OXCT1: variants seen among roughly 807,000 people sequenced by gnomAD.
OXCT1 encodes the protein 3-oxoacid CoA-transferase 1.
A neutral mutation model predicts 69.6 loss-of-function variants in OXCT1; 27 were observed. The observed-to-expected ratio is 0.39, with a 90% CI of 0.29 to 0.54. The LOEUF is 0.54. OXCT1 is among the 20% of genes least tolerant of loss of function. The pLI is 0.72. For missense variants in OXCT1, 437 were observed against 650.2 expected, an observed-to-expected ratio of 0.67 and a Z score of 3.57; for synonymous variants, 202 against 217.8, an observed-to-expected ratio of 0.93 and a Z score of 0.64.
intron 14 of OXCT1, among the ~76,000 whole-genome samples, chr5:41,750,135 G>GTTTTT (rs11291155): frequency 8.1e-5 from 6 of 73,916 alleles, no homozygotes; most frequent in African/African-American, 1.6e-4. Flanking sequence ...GTGTTTTTTG[G>GTTTTT]TTTTTTTTTT....
chr5:41,788,255 A>C (rs1009073537), intron 13 of OXCT1, among the ~76,000 whole-genome samples: 1 of 152,154 alleles, frequency 6.6e-6, no homozygotes. Context: ...CCAACAGTGA[A>C]GATAAAATAC....
intron 14 of OXCT1, among the ~76,000 whole-genome samples, chr5:41,758,326 T>C (rs1454370572): frequency 6.6e-6 from 1 of 151,978 alleles, no homozygotes; most frequent in Non-Finnish European, 1.5e-5. Flanking sequence ...AACAACCAGG[T>C]GGAGTTGTGT....
intron 5 of OXCT1, among the ~76,000 whole-genome samples, chr5:41,844,046 G>A (rs1748775190): frequency 6.6e-6 from 1 of 152,076 alleles, no homozygotes; most frequent in South Asian, 2.1e-4. Flanking sequence ...AGAAAACTGG[G>A]GTAAATATAT....
chr5:41,850,250 C>T (rs190028775), intron 4 of OXCT1, 71 bp from the exon 5 acceptor site: 13 of 1,549,362 alleles, frequency 8.4e-6, no homozygotes, highest in South Asian at 5.6e-5. Context: ...AACATTTAGA[C>T]GTGGTTCCTA....
At chr5:41,829,204 T>A (rs1342384000) in intron 7 of OXCT1, among the ~76,000 whole-genome samples, 1 of 152,160 alleles carries the variant, frequency 6.6e-6, no homozygotes, top group African/African-American at 2.4e-5. Flanking sequence ...TGGTCAAGGA[T>A]AAAAGATGTT....
intron 7 of OXCT1, among the ~76,000 whole-genome samples, chr5:41,822,097 T>G (rs1017315463): frequency 6.6e-6 from 1 of 152,178 alleles, no homozygotes; most frequent in African/African-American, 2.4e-5. Flanking sequence ...TTAATAGAAT[T>G]TAAATAAGAA....
intron 1 of OXCT1, among the ~76,000 whole-genome samples, chr5:41,869,359 C>G (rs970454620): frequency 6.6e-6 from 1 of 152,196 alleles, no homozygotes; most frequent in Non-Finnish European, 1.5e-5. Context: ...GCGATTGAGA[C>G]GGCGGGGATA....
At position 41,837,954 on chromosome 5, in the gene OXCT1, C is replaced by T. The variant is rs146489511; in HGVS notation, c.732+2497G>A. 6.7e-3 allele frequency among the ~76,000 whole-genome samples: 1,017 copies of T among 152,256 alleles called. 7 individuals are homozygous for T. Among genetic ancestry groups the T allele is most frequent in the Non-Finnish European group, 0.011 (757 of 68,012 alleles). On this transcript the variant is annotated intron_variant, in intron 7 of 16. Coordinates refer to ENST00000196371, the MANE Select transcript of OXCT1 (RefSeq NM_000436.4). ...TTTAAAATAATGCACATAAGGAATA[C>T]GGTAGTGACTAATACATCATAAATG...
rs937509496 is a variant in OXCT1, at chr5:41,861,396, G to A, written c.196C>T (p.Leu66=). ...ATAAGATTCTCTGGAATTCCACATA[G>A]CCCAAAACCTATATTAAGCCCAAAA... The part of the protein sequence containing the change: ...GATVLVGGFG[L]CGIPENLIDA... Residue 66 remains leucine (L), a synonymous_variant, in exon 3 of 17, where the codon CTA becomes TTA. Transcript: ENST00000196371. The A allele has an allele frequency of 1.3e-5, 21 of 1,606,958 alleles. No homozygotes were observed. The Admixed American group carries it at 2.0e-4, about 15-fold the overall frequency.
chr5:41,814,798 C>T (rs6883144), intron 7 of OXCT1, among the ~76,000 whole-genome samples: 27,086 of 150,284 alleles, frequency 0.18, 2,681 homozygotes, highest in Middle Eastern at 0.28. Flanking sequence ...GTGGGTGCAG[C>T]GCACCAGCAT....
intron 7 of OXCT1, among the ~76,000 whole-genome samples, chr5:41,817,121 A>C (rs1747284156): frequency 6.6e-6 from 1 of 152,220 alleles, no homozygotes; most frequent in Non-Finnish European, 1.5e-5. Flanking sequence ...GATTAAAAGA[A>C]GAGTAGGAAT....
chr5:41,836,653 C>T (rs916554570), intron 7 of OXCT1, among the ~76,000 whole-genome samples: 1 of 152,070 alleles, frequency 6.6e-6, no homozygotes, highest in African/African-American at 2.4e-5. Flanking sequence ...TCATAAGGAG[C>T]GAGCAACCTA....
intron 11 of OXCT1, among the ~76,000 whole-genome samples, chr5:41,800,052 G>A (rs1746355484): frequency 6.6e-6 from 1 of 152,148 alleles, no homozygotes; most frequent in Non-Finnish European, 1.5e-5. Context: ...CTCCAGGGAT[G>A]ACATATGGCT....
At chr5:41,742,303 CA>C (rs1352892713) in intron 15 of OXCT1, among the ~76,000 whole-genome samples, 9 of 152,026 alleles carry the variant, frequency 5.9e-5, no homozygotes, top group Non-Finnish European at 1.2e-4. Flanking sequence ...AAAAAATTGA[CA>C]AAAATGGAGA....
intron 13 of OXCT1, among the ~76,000 whole-genome samples, chr5:41,767,683 C>G (rs1403518845): frequency 7.6e-6 from 1 of 132,286 alleles, no homozygotes; most frequent in African/African-American, 3.1e-5. Context: ...CTTGTGGTGT[C>G]TACTATATAT....
chr5:41,741,472 A>G (rs1373654237), intron 15 of OXCT1, among the ~76,000 whole-genome samples: 1 of 152,182 alleles, frequency 6.6e-6, no homozygotes, highest in Non-Finnish European at 1.5e-5. Context: ...ACTTCCCAAG[A>G]TTGTGATACA....
intron 7 of OXCT1, among the ~76,000 whole-genome samples, chr5:41,813,897 G>C (rs937942568): frequency 6.6e-6 from 1 of 152,030 alleles, no homozygotes. Context: ...AAGAATAGTT[G>C]TATTTCATCT....
intron 14 of OXCT1, among the ~76,000 whole-genome samples, chr5:41,754,857 T>A (rs1743981904): frequency 6.6e-6 from 1 of 151,986 alleles, no homozygotes. Flanking sequence ...AGGGGAAGAC[T>A]AGCCAAATGA....
intron 15 of OXCT1, chr5:41,739,864 C>T (rs1743073952): frequency 1.9e-5 from 3 of 158,096 alleles, no homozygotes; most frequent in Admixed American, 6.3e-5. Flanking sequence ...GAGCCAGACT[C>T]TGTCTCAAAA....
Sources: gnomAD v4.1 joint callset for allele counts (sites outside exome capture counted in the v4.1 genomes callset) on GRCh38, gnomAD v4.1.1 for gene constraint, MANE v1.5 for transcripts, NCBI Gene and HGNC (gene_info 2026-07-23, HGNC 2026-07-21) for gene names.